FZR1: variants seen among roughly 807,000 people sequenced by gnomAD.
The protein encoded by FZR1 is fizzy-related protein homolog.
A neutral mutation model predicts 63.6 loss-of-function variants in FZR1; 11 were observed. The observed-to-expected ratio is 0.17, with a 90% CI of 0.11 to 0.29. The LOEUF is 0.29. FZR1 is among the 10% of genes least tolerant of loss of function. FZR1 has a pLI of 1.00. For missense variants in FZR1, 440 were observed against 687.5 expected, an observed-to-expected ratio of 0.64 and a Z score of 4.03; for synonymous variants, 328 against 297.9, an observed-to-expected ratio of 1.10 and a Z score of -1.04.
In FZR1 at chr19:3,526,938, G is replaced by A. The variant is rs369922135; in HGVS notation, c.388-42G>A. 154 of 1,432,030 alleles carry A rather than the reference G, an allele frequency of 1.1e-4. No homozygotes were observed. The highest frequency in any genetic ancestry group is 8.6e-4 in the East Asian group (38 of 44,102). The allele number at this position is 1,432,030 out of a possible 1,614,324, so 88.7% of individuals were successfully genotyped here. On this transcript the variant is annotated intron_variant, in intron 5 of 13. Coordinates refer to ENST00000441788, the MANE Select transcript of FZR1 (RefSeq NM_016263.4). The surrounding 1 kb of genome is among the most constrained non-coding windows in gnomAD (Gnocchi z 5.4). ...TGCTGGGGGGCTCTGAGGGTCCTGC[G>A]GCCTGGGCGTGCGCTCAGCTGGCAT...
chr19:3,512,666 TGGTGCTGGTGGGGG>T, intron 1 of FZR1, among the ~76,000 whole-genome samples: 4 of 152,066 alleles, frequency 2.6e-5, no homozygotes, highest in African/African-American at 9.6e-5. Context: ...CTGGGTGGGG[TGGTGCTGGTGGGGG>T]GCTCACGTGC....
chr19:3,514,271 G>T lies in FZR1; in HGVS notation c.-35+7797G>T, dbSNP rs368629969. ...CTCCTCTCCCCACTGGTGCAGTGGG[G>T]ATGGGGCTGGGGATGCCTGGCCACA... is the stretch of plus-strand genomic sequence containing the variant. On this transcript the variant is annotated intron_variant, in intron 1 of 13. Coordinates refer to ENST00000441788, the MANE Select transcript of FZR1 (RefSeq NM_016263.4). This position sits in a 1 kb window ranked among gnomAD's most constrained non-coding sequence, Gnocchi z 4.2. 1.2e-4 allele frequency among the ~76,000 whole-genome samples: 18 copies of T among 152,330 alleles called. No homozygotes were observed. The highest frequency in any genetic ancestry group is 4.3e-4 in the African/African-American group (18 of 41,578).
chr19:3,522,137 A>G (rs1013981267), intron 1 of FZR1, among the ~76,000 whole-genome samples: 9 of 152,318 alleles, frequency 5.9e-5, no homozygotes, highest in African/African-American at 2.2e-4. Flanking sequence ...CAGCCTGTAC[A>G]TGGCCTTGGG....
At chr19:3,507,589 C>T (rs1482245164) in intron 1 of FZR1, among the ~76,000 whole-genome samples, 1 of 152,184 alleles carries the variant, frequency 6.6e-6, no homozygotes, top group African/African-American at 2.4e-5. Flanking sequence ...GGTGAGGCCC[C>T]CACCCCAACC....
In FZR1 at chr19:3,528,470, C is replaced by T. The variant is rs575311945; in HGVS notation, c.654+656C>T. Among the ~76,000 whole-genome samples, 20 of 152,362 alleles carry T rather than the reference C, an allele frequency of 1.3e-4. No individual in the cohort carries two copies. In the South Asian group the frequency reaches 4.1e-3, roughly 32 times the overall value. On this transcript the variant is annotated intron_variant, in intron 7 of 13. Transcript: ENST00000441788. Reference sequence around the variant, plus strand: ...TCCCGGCAGCAGGAGCCGTGTAGCTCTGGGCAGCTTCCTCCCATCCTCTGC... The same window carrying T: ...TCCCGGCAGCAGGAGCCGTGTAGCTTTGGGCAGCTTCCTCCCATCCTCTGC...
Position 3,526,608 on chromosome 19 carries a change from C to T in FZR1, c.387+222C>T, listed in dbSNP as rs1349926930. Reference sequence around the variant, plus strand: ...GGGATGTGGGGGTGCGGGAGGAATCCAGGCTCAGCCTGTTGGGCTTTTTCT... The same window carrying T: ...GGGATGTGGGGGTGCGGGAGGAATCTAGGCTCAGCCTGTTGGGCTTTTTCT... On this transcript the variant is annotated intron_variant, in intron 5 of 13. Transcript: ENST00000441788. This position sits in a 1 kb window ranked among gnomAD's most constrained non-coding sequence, Gnocchi z 5.4. Among the ~76,000 whole-genome samples, 1 of 152,198 alleles carries T rather than the reference C, an allele frequency of 6.6e-6. No individual in the cohort carries two copies. Among genetic ancestry groups the T allele is most frequent in the East Asian group, 1.9e-4 (1 of 5,190 alleles).
At position 3,537,461 on chromosome 19, in the gene FZR1, G is replaced by A. The variant is rs1275387036; in HGVS notation, c.*2625G>A. ...CTGTTGATCCTGGAATGTAGCTGGT[G>A]CAGTGAGAGGGAAAGAGAATTGAAA... On this transcript the variant is annotated 3_prime_UTR_variant, in exon 14 of 14. Transcript: ENST00000441788. 6 of 152,396 alleles carry A rather than the reference G, an allele frequency of 3.9e-5. No individual in the cohort carries two copies. The highest frequency in any genetic ancestry group is 8.8e-5 in the Non-Finnish European group (6 of 68,168). 9.4% of individuals were successfully genotyped at this position (152,396 alleles called of 1,614,324 possible).
intron 2 of FZR1, among the ~76,000 whole-genome samples, chr19:3,524,016 T>C (rs1568233896): frequency 6.6e-6 from 1 of 152,138 alleles, no homozygotes; most frequent in East Asian, 1.9e-4. Context: ...AGGGTCCCCA[T>C]TGGTAAAGGG....
rs1469440512 is a variant in FZR1 at position 3,536,470 on chromosome 19, A to T, written c.*1634A>T. 1 of 152,188 alleles carries T rather than the reference A, an allele frequency of 6.6e-6. No individual in the cohort carries two copies. The highest frequency in any genetic ancestry group is 2.4e-5 in the African/African-American group (1 of 41,430). The allele number at this position is 152,188 out of a possible 1,614,324, so 9.4% of individuals were successfully genotyped here. On this transcript the variant is annotated 3_prime_UTR_variant, in exon 14 of 14. Transcript: ENST00000441788. ...CTTACTGTTTCAAGGTTTTTAAATA[A>T]GAAAACCAACCCTGCCTTCGCCCAT...
At chr19:3,527,510 T>TTTA in intron 6 of FZR1, 121 bp from the exon 7 acceptor site, 1 of 717,826 alleles carries the variant, frequency 1.4e-6, no homozygotes, top group Non-Finnish European at 2.3e-6. Flanking sequence ...ATGGTGGCGG[T>TTTA]GGTGATTGGA....
In FZR1 at chr19:3,536,403, G is replaced by C. The variant is rs1272405503; in HGVS notation, c.*1567G>C. The C allele has an allele frequency of 1.3e-5, 2 of 152,290 alleles. No individual in the cohort carries two copies. Among genetic ancestry groups the C allele is most frequent in the Non-Finnish European group, 2.9e-5 (2 of 68,074 alleles). The allele number at this position is 152,290 out of a possible 1,614,324, so 9.4% of individuals were successfully genotyped here. A position where few individuals can be genotyped will look rare whatever the true frequency, so the allele number is the denominator to read the frequency against. On this transcript the variant is annotated 3_prime_UTR_variant, in exon 14 of 14. Transcript: ENST00000441788. ...CCCTCACTGTGCGCCTGTGCAGGGG[G>C]TGCTGGTGCACGTGGCAGTGTGGAT...
In FZR1 at chr19:3,533,452, TG is replaced by T; in HGVS notation, c.1347+56del. ...CCCCGGGATTCTGGACAAACTGCCA[TG>T]GCCACCCCAGAGCACCCTGTCCTGT... On this transcript the variant is annotated intron_variant, in intron 12 of 13. Coordinates refer to ENST00000441788, the MANE Select transcript of FZR1 (RefSeq NM_016263.4). This position sits in a 1 kb window ranked among gnomAD's most constrained non-coding sequence, Gnocchi z 4.9. 6.5e-6 allele frequency: 7 copies of T among 1,080,790 alleles called. No individual in the cohort carries two copies. Among genetic ancestry groups the T allele is most frequent in the Non-Finnish European group, 8.6e-6 (6 of 698,496 alleles). The allele number at this position is 1,080,790 out of a possible 1,614,324, so 67.0% of individuals were successfully genotyped here.
chr19:3,507,711 C>T (rs559353174), intron 1 of FZR1, among the ~76,000 whole-genome samples: 16 of 152,218 alleles, frequency 1.1e-4, no homozygotes, highest in Non-Finnish European at 1.5e-4. Flanking sequence ...GGAGTGGTCT[C>T]TCTCGGGGTG....
chr19:3,513,237 G>C (rs374427776), intron 1 of FZR1, among the ~76,000 whole-genome samples: 18 of 152,262 alleles, frequency 1.2e-4, no homozygotes, highest in African/African-American at 4.3e-4. Flanking sequence ...GTCGGGACCT[G>C]TGAGGGGCTG....
chr19:3,529,103 C>T (rs1311504813), intron 7 of FZR1, among the ~76,000 whole-genome samples: 28 of 58,116 alleles, frequency 4.8e-4, no homozygotes, highest in Non-Finnish European at 2.4e-4. Flanking sequence ...GACGGTTGAG[C>T]GGATGGGAGA....
At chr19:3,510,538 C>T (rs759636124) in intron 1 of FZR1, among the ~76,000 whole-genome samples, 16 of 152,216 alleles carry the variant, frequency 1.1e-4, no homozygotes, top group Non-Finnish European at 1.9e-4. Flanking sequence ...CAGATTTGGC[C>T]TGGGAACCTC....
In FZR1 at chr19:3,531,729, G is replaced by C; in HGVS notation, c.736G>C (p.Val246Leu). 1 of 1,549,448 alleles carries C rather than the reference G, an allele frequency of 6.5e-7. No individual in the cohort carries two copies. The highest frequency in any genetic ancestry group is 1.2e-5 in the South Asian group (1 of 84,020). The change falls in exon 9 of 14, where the codon GTG becomes CTG. Residue 246 changes from valine (V) to leucine (L), a missense_variant. Coordinates refer to ENST00000441788, the MANE Select transcript of FZR1 (RefSeq NM_016263.4). ...GWSERGNLVA[V>L]GTHKGFVQIW... is the part of the protein sequence containing the mutation. Reference sequence around the variant, plus strand: ...TCCATCCTAGGGGAACCTGGTGGCGGTGGGCACACACAAGGGCTTCGTGCA... The same window carrying C: ...TCCATCCTAGGGGAACCTGGTGGCGCTGGGCACACACAAGGGCTTCGTGCA...
chr19:3,532,211 A>G, intron 10 of FZR1, 116 bp downstream of exon 10: 1 of 1,033,296 alleles, frequency 9.7e-7, no homozygotes, highest in Non-Finnish European at 1.4e-6. Flanking sequence ...CTCCACAGCC[A>G]TCAGCAGGGC....
At chr19:3,510,007 A>C (rs4807483) in intron 1 of FZR1, among the ~76,000 whole-genome samples, 89,230 of 151,574 alleles carry the variant, frequency 0.59, 28,506 homozygotes, top group East Asian at 0.84. Flanking sequence ...GATGGTGTCA[A>C]CCCCATGCAA....
Sources: allele counts gnomAD v4.1 joint callset (sites outside exome capture counted in the v4.1 genomes callset), GRCh38; gene constraint gnomAD v4.1.1; non-coding constraint Gnocchi (gnomAD v3.1); transcripts MANE v1.5; gene names NCBI Gene and HGNC (gene_info 2026-07-23, HGNC 2026-07-21).